The following APBA1 variants were observed in gnomAD, a reference collection of about 807,000 sequenced individuals.
APBA1 encodes the protein amyloid beta precursor protein binding family A member 1.
Under a neutral mutation model 86.6 loss-of-function variants are expected in APBA1, and 55 were observed. The observed-to-expected ratio is 0.64, with a 90% CI of 0.51 to 0.80. The LOEUF (loss-of-function observed/expected upper bound fraction) is 0.80, where lower values mean the gene tolerates loss of function less well. Among genes scored for constraint, APBA1 ranks in the 30% least tolerant of loss-of-function variants. The pLI is 0.00. For synonymous variants in APBA1, 511 were observed against 493.9 expected (o/e 1.03, Z -0.46); for missense variants, 1,090 against 1,183.0 (o/e 0.92, Z 1.15).
intron 1 of APBA1, among the ~76,000 whole-genome samples, chr9:69,648,668 C>T (rs1485396782): frequency 1.3e-5 from 2 of 152,244 alleles, no homozygotes; most frequent in East Asian, 3.9e-4. Context: ...ATGGTCTGAA[C>T]CTTTGAACAA....
rs1401135772 is a variant in APBA1, at chr9:69,467,025, G to A, written c.1482+798C>T. Among the ~76,000 whole-genome samples the A allele has an allele frequency of 4.6e-5, 7 of 152,314 alleles. No individual in the cohort carries two copies. In the East Asian group the frequency reaches 1.4e-3, roughly 29 times the overall value. Reference sequence around the variant, plus strand: ...GGGAGGCTGCCCAGTGGTTCCAGGTGCTGGTGGCACAATGGCATGTGGATG... The same window carrying A: ...GGGAGGCTGCCCAGTGGTTCCAGGTACTGGTGGCACAATGGCATGTGGATG... On this transcript the variant is annotated intron_variant, in intron 5 of 12. Transcript: ENST00000265381.
intron 1 of APBA1, among the ~76,000 whole-genome samples, chr9:69,568,058 A>T (rs961106373): frequency 3.3e-5 from 5 of 152,180 alleles, no homozygotes; most frequent in African/African-American, 1.2e-4. Flanking sequence ...AGTATGAGAA[A>T]TGACATAGGA....
At chr9:69,666,764 C>A (rs993274864) in intron 1 of APBA1, among the ~76,000 whole-genome samples, 5 of 152,112 alleles carry the variant, frequency 3.3e-5, no homozygotes, top group Admixed American at 6.5e-5. Context: ...AAAAATAAAG[C>A]TTCAATGTAT....
chr9:69,612,885 A>G (rs1002157489), intron 1 of APBA1, among the ~76,000 whole-genome samples: 2 of 152,130 alleles, frequency 1.3e-5, no homozygotes, highest in Admixed American at 1.3e-4. Flanking sequence ...GAAAGTTATA[A>G]GTATTAAGAT....
intron 1 of APBA1, among the ~76,000 whole-genome samples, chr9:69,642,850 C>T (rs1053291320): frequency 6.6e-6 from 1 of 151,926 alleles, no homozygotes; most frequent in African/African-American, 2.4e-5. Flanking sequence ...CAGCAGACTG[C>T]CTTTGAATTT....
At chr9:69,481,097 C>T (rs1378853601) in intron 2 of APBA1, among the ~76,000 whole-genome samples, 2 of 150,034 alleles carry the variant, frequency 1.3e-5, no homozygotes, top group East Asian at 4.0e-4. Context: ...CACTCCTATT[C>T]AACATAGTGT....
At chr9:69,582,285 C>T (rs942653644) in intron 1 of APBA1, among the ~76,000 whole-genome samples, 2 of 152,136 alleles carry the variant, frequency 1.3e-5, no homozygotes, top group Non-Finnish European at 2.9e-5. Flanking sequence ...GGGAGGCTCG[C>T]TCATAAGTAA....
intron 3 of APBA1, 130 bp from the exon 4 acceptor site, chr9:69,471,825 T>C (rs111671754): frequency 1.0e-4 from 75 of 730,434 alleles, no homozygotes; most frequent in African/African-American, 1.0e-3. Flanking sequence ...CATTTTTAGT[T>C]AGAGAAAGTA....
At chr9:69,439,725 T>C (rs1253012683) in intron 11 of APBA1, among the ~76,000 whole-genome samples, 9 of 152,312 alleles carry the variant, frequency 5.9e-5, no homozygotes, top group South Asian at 2.1e-4. Flanking sequence ...GCCATTGGTT[T>C]GAACTTCCTC....
rs557302534 is a variant in APBA1 at position 69,599,118 on chromosome 9, A to G, written c.-70+73035T>C. Among the ~76,000 whole-genome samples, 3 of 152,324 alleles carry G rather than the reference A, an allele frequency of 2.0e-5. No individual in the cohort carries two copies. The East Asian group carries it at 5.8e-4, about 29-fold the overall frequency. ...ACGAGTTTGGAGTCTCAAGGTTACA[A>G]GATGAAGAGCTCTAAGGTCAGATAG... On this transcript the variant is annotated intron_variant, in intron 1 of 12. Coordinates refer to ENST00000265381, the MANE Select transcript of APBA1 (RefSeq NM_001163.4).
chr9:69,532,825 A>G (rs1836453920), intron 1 of APBA1, among the ~76,000 whole-genome samples: 2 of 152,220 alleles, frequency 1.3e-5, no homozygotes, highest in Non-Finnish European at 2.9e-5. Flanking sequence ...ATTAATTCTT[A>G]CAACCTTTCT....
intron 2 of APBA1, among the ~76,000 whole-genome samples, chr9:69,496,184 A>C (rs1835791868): frequency 6.6e-6 from 1 of 152,158 alleles, no homozygotes; most frequent in South Asian, 2.1e-4. Flanking sequence ...GGAGGCAGAC[A>C]GAGAGACCTC....
At chr9:69,495,596 C>T (rs533110595) in intron 2 of APBA1, among the ~76,000 whole-genome samples, 16 of 152,216 alleles carry the variant, frequency 1.1e-4, no homozygotes, top group Non-Finnish European at 1.8e-4. Context: ...GGCAGTCATG[C>T]GTCACTGCTG....
chr9:69,487,089 C>G (rs879767), intron 2 of APBA1, among the ~76,000 whole-genome samples: 123,262 of 151,794 alleles, frequency 0.81, 50,239 homozygotes, highest in Admixed American at 0.86. Context: ...GAGGTAAAGG[C>G]TTCCTGCCTC....
intron 1 of APBA1, among the ~76,000 whole-genome samples, chr9:69,565,068 A>G (rs1230909959): frequency 6.6e-6 from 1 of 152,252 alleles, no homozygotes; most frequent in Non-Finnish European, 1.5e-5. Flanking sequence ...AAGCAAGGGC[A>G]TAAAGCTAAG....
intron 1 of APBA1, among the ~76,000 whole-genome samples, chr9:69,585,873 C>T (rs768637051): frequency 6.6e-6 from 1 of 152,164 alleles, no homozygotes; most frequent in Non-Finnish European, 1.5e-5. Context: ...ATCTCATCCC[C>T]AAAACCCAAA....
intron 1 of APBA1, among the ~76,000 whole-genome samples, chr9:69,606,739 G>T (rs980278793): frequency 2.0e-5 from 3 of 151,918 alleles, no homozygotes; most frequent in African/African-American, 2.4e-5. Flanking sequence ...TGATGCGCAC[G>T]CCTCGGCCTC....
chr9:69,441,114 C>T lies in APBA1; in HGVS notation c.2183G>A (p.Gly728Asp). 1 of 1,613,564 alleles carries T rather than the reference C, an allele frequency of 6.2e-7. No individual in the cohort carries two copies. Among genetic ancestry groups the T allele is most frequent in the Non-Finnish European group, 8.5e-7 (1 of 1,179,818 alleles). ...CTTGACTCGGGACTGATTCTTTAAG[C>T]CCTTAAACATGAATAAAGTACAGTG... ...PLSTCQSIIK[G>D]LKNQSRVKLN... Residue 728 changes from glycine to aspartate, a missense_variant and splice_region_variant, in exon 11 of 13, where the codon GGC becomes GAC. Physicochemically the swap from Gly to Asp is moderately conservative, Grantham distance 94 (BLOSUM62 -1). Coordinates refer to ENST00000265381, the MANE Select transcript of APBA1 (RefSeq NM_001163.4).
chr9:69,599,180 A>C (rs1215626150), intron 1 of APBA1, among the ~76,000 whole-genome samples: 1 of 152,268 alleles, frequency 6.6e-6, no homozygotes, highest in African/African-American at 2.4e-5. Flanking sequence ...CTGTGCACTT[A>C]ATAATGGCTA....
Sources: allele counts gnomAD v4.1 joint callset (sites outside exome capture counted in the v4.1 genomes callset), GRCh38; gene constraint gnomAD v4.1.1; transcripts MANE v1.5; gene names NCBI Gene and HGNC (gene_info 2026-07-23, HGNC 2026-07-21).